STRN: variants seen among roughly 807,000 people sequenced by gnomAD.
STRN encodes the protein striatin, also known as protein phosphatase 2 regulatory subunit B'''alpha.
STRN carries 53 observed loss-of-function variants against 96.3 expected under a neutral mutation model. The observed-to-expected ratio is 0.55, with a 90% CI of 0.44 to 0.69. The LOEUF (loss-of-function observed/expected upper bound fraction) is 0.69. Ranked by LOEUF, STRN falls within the 30% of genes least tolerant of loss-of-function variation. STRN has a pLI of 0.00. For missense variants in STRN, 987 were observed against 963.9 expected (o/e 1.02, Z -0.32); for synonymous variants, 428 against 355.9 (o/e 1.20, Z -2.28).
At chr2:36,859,886 G>A (rs1010870245) in intron 13 of STRN, among the ~76,000 whole-genome samples, 5 of 152,176 alleles carry the variant, frequency 3.3e-5, no homozygotes, top group Non-Finnish European at 7.3e-5. Flanking sequence ...TGACAATCTT[G>A]TTACATGTAA....
chr2:36,950,981 G>A (rs994224109), intron 1 of STRN, among the ~76,000 whole-genome samples: 1 of 151,982 alleles, frequency 6.6e-6, no homozygotes, highest in East Asian at 1.9e-4. Context: ...ATAAGATATT[G>A]GTAATGTAAC....
Position 36,839,981 on chromosome 2 carries a change from T to C in STRN, c.*9475A>G, listed in dbSNP as rs1474146203. 6.6e-6 allele frequency: 1 copy of C among 152,136 alleles called. No individual in the cohort carries two copies. Among genetic ancestry groups the C allele is most frequent in the Non-Finnish European group, 1.5e-5 (1 of 68,030 alleles). 9.4% of individuals were successfully genotyped at this position (152,136 alleles called of 1,614,324 possible). A position where few individuals can be genotyped will look rare whatever the true frequency, so the allele number is the denominator to read the frequency against. Reference sequence around the variant, plus strand: ...TGTTCCTAGGAGAGTTAATAAACATTGGTACAATTACTATAAAATCTTCAA... The same window carrying C: ...TGTTCCTAGGAGAGTTAATAAACATCGGTACAATTACTATAAAATCTTCAA... On this transcript the variant is annotated 3_prime_UTR_variant, in exon 18 of 18. Coordinates refer to ENST00000263918, the MANE Select transcript of STRN (RefSeq NM_003162.4).
At chr2:36,960,098 T>C (rs1028191739) in intron 1 of STRN, among the ~76,000 whole-genome samples, 5 of 152,120 alleles carry the variant, frequency 3.3e-5, no homozygotes, top group African/African-American at 1.2e-4. Flanking sequence ...CATATGACAA[T>C]GGAGTTCACC....
intron 12 of STRN, among the ~76,000 whole-genome samples, chr2:36,863,301 A>G (rs573652466): frequency 6.6e-6 from 1 of 151,362 alleles, no homozygotes; most frequent in African/African-American, 2.4e-5. Context: ...AACTTTTTTT[A>G]GTTTTAGGTT....
intron 1 of STRN, among the ~76,000 whole-genome samples, chr2:36,933,261 T>C (rs1471165980): frequency 2.0e-5 from 3 of 152,294 alleles, no homozygotes; most frequent in African/African-American, 7.2e-5. Flanking sequence ...TTAAAGTATA[T>C]GGGAGGGTGT....
rs1351184774 is a variant in STRN at position 36,966,517 on chromosome 2, G to A, written c.-54C>T. On this transcript the variant is annotated 5_prime_UTR_variant, in exon 1 of 18. Transcript: ENST00000263918. ...CCGGCGCCCAGCAGCGGAGGCAACA[G>A]CGGCGGCAAGCAGCGCCTCCTCCTC... 2.3e-6 allele frequency: 3 copies of A among 1,310,680 alleles called. No homozygotes were observed. Among genetic ancestry groups the A allele is most frequent in the African/African-American group, 1.5e-5 (1 of 64,608 alleles). The allele number at this position is 1,310,680 out of a possible 1,614,324, so 81.2% of individuals were successfully genotyped here. A position where few individuals can be genotyped will look rare whatever the true frequency, so the allele number is the denominator to read the frequency against.
At chr2:36,934,173 A>T (rs1446911665) in intron 1 of STRN, among the ~76,000 whole-genome samples, 1 of 152,212 alleles carries the variant, frequency 6.6e-6, no homozygotes, top group East Asian at 1.9e-4. Flanking sequence ...ACAAAGAAAG[A>T]AAAATGTAAG....
intron 15 of STRN, among the ~76,000 whole-genome samples, chr2:36,854,337 C>G (rs1668292350): frequency 6.6e-6 from 1 of 152,122 alleles, no homozygotes; most frequent in Non-Finnish European, 1.5e-5. Flanking sequence ...AATTTATTTT[C>G]CTGTCTCTCT....
chr2:36,893,693 GTTTT>G (rs200488028), intron 7 of STRN, among the ~76,000 whole-genome samples: 1 of 150,406 alleles, frequency 6.6e-6, no homozygotes, highest in African/African-American at 2.4e-5. Flanking sequence ...TATTGTTGTT[GTTTT>G]TTTTTCTTTT....
chr2:36,892,341 T>G (rs1342722726), intron 7 of STRN, among the ~76,000 whole-genome samples: 1 of 152,054 alleles, frequency 6.6e-6, no homozygotes, highest in African/African-American at 2.4e-5. Context: ...TGGGTGACAG[T>G]ATCATTTACA....
chr2:36,895,880 C>A (rs781084279), intron 6 of STRN, among the ~76,000 whole-genome samples: 1 of 151,968 alleles, frequency 6.6e-6, no homozygotes, highest in Admixed American at 6.6e-5. Context: ...GCTGACATCA[C>A]GCCACTGCGC....
At position 36,840,021 on chromosome 2, in the gene STRN, TGA is replaced by T. The variant is rs927536709; in HGVS notation, c.*9433_*9434del. 1.3e-5 allele frequency: 2 copies of T among 152,210 alleles called. No individual in the cohort carries two copies. The highest frequency in any genetic ancestry group is 2.4e-5 in the African/African-American group (1 of 41,456). 9.4% of individuals were successfully genotyped at this position (152,210 alleles called of 1,614,324 possible). A position where few individuals can be genotyped will look rare whatever the true frequency, so the allele number is the denominator to read the frequency against. On this transcript the variant is annotated 3_prime_UTR_variant, in exon 18 of 18. Coordinates refer to ENST00000263918, the MANE Select transcript of STRN (RefSeq NM_003162.4). ...AAAATCTTCAAGACAAAAACCAGCC[TGA>T]GAGCATCCTGAGGAACTTTGTCCCA... is the stretch of plus-strand genomic sequence containing the variant.
At chr2:36,871,304 C>T (rs1473776409) in intron 10 of STRN, among the ~76,000 whole-genome samples, 1 of 152,218 alleles carries the variant, frequency 6.6e-6, no homozygotes, top group Admixed American at 6.5e-5. Flanking sequence ...CTGCAAGCTC[C>T]ATTCGTGATA....
At chr2:36,942,826 G>A (rs192361524) in intron 1 of STRN, among the ~76,000 whole-genome samples, 3 of 152,068 alleles carry the variant, frequency 2.0e-5, no homozygotes, top group African/African-American at 7.2e-5. Context: ...CTTCTGAGTA[G>A]CTGGGATTAC....
chr2:36,877,779 G>A (rs1475644850), intron 10 of STRN, 112 bp downstream of exon 10: 51 of 1,190,632 alleles, frequency 4.3e-5, no homozygotes, highest in Non-Finnish European at 5.3e-5. Flanking sequence ...CAAGTGATCC[G>A]CCCACCTCGG....
At chr2:36,874,843 G>C (rs1668861144) in intron 10 of STRN, among the ~76,000 whole-genome samples, 1 of 151,274 alleles carries the variant, frequency 6.6e-6, no homozygotes, top group African/African-American at 2.4e-5. Context: ...GATACCAACA[G>C]ACCTTCACTA....
intron 2 of STRN, among the ~76,000 whole-genome samples, chr2:36,917,096 T>G (rs1176083756): frequency 4.3e-5 from 6 of 139,178 alleles, no homozygotes; most frequent in African/African-American, 1.8e-4. Context: ...GACATTAATA[T>G]AAACAACAAT....
chr2:36,932,304 G>A (rs918339003), intron 1 of STRN, among the ~76,000 whole-genome samples: 5 of 152,014 alleles, frequency 3.3e-5, no homozygotes, highest in African/African-American at 1.2e-4. Context: ...ACAGGCACCC[G>A]CCACTGCGTC....
chr2:36,883,919 C>T lies in STRN; in HGVS notation c.1186+13G>A, dbSNP rs1316386433. Reference sequence around the variant, plus strand: ...AAGTGCATTTTGTGCTCCAGAGTATCTTAAATACTTACCTTCATCTGCCCT... The same window carrying T: ...AAGTGCATTTTGTGCTCCAGAGTATTTTAAATACTTACCTTCATCTGCCCT... On this transcript the variant is annotated intron_variant, in intron 9 of 17. Transcript: ENST00000263918. 3.7e-6 allele frequency: 5 copies of T among 1,345,620 alleles called. No homozygotes were observed. Among genetic ancestry groups the T allele is most frequent in the Non-Finnish European group, 4.8e-6 (5 of 1,040,566 alleles). 83.4% of individuals were successfully genotyped at this position (1,345,620 alleles called of 1,614,324 possible).
Sources: allele counts gnomAD v4.1 joint callset (sites outside exome capture counted in the v4.1 genomes callset), GRCh38; gene constraint gnomAD v4.1.1; transcripts MANE v1.5; gene names NCBI Gene and HGNC (gene_info 2026-07-23, HGNC 2026-07-21).